ZNF638: variants seen among roughly 807,000 people sequenced by gnomAD.
The protein encoded by ZNF638 is CTCL tumor antigen se33-1.
ZNF638 carries 46 observed loss-of-function variants against 195.6 expected under a neutral mutation model. The ratio of observed to expected loss-of-function variants is 0.24; its 90% CI spans 0.19 to 0.30. ZNF638 has a LOEUF of 0.30. Ranked by LOEUF, ZNF638 falls within the 10% of genes least tolerant of loss-of-function variation. The pLI is 1.00. For missense variants in ZNF638, 2,440 were observed against 2,325.3 expected, an observed-to-expected ratio of 1.05 and a Z score of -1.01; for synonymous variants, 845 against 772.0, an observed-to-expected ratio of 1.09 and a Z score of -1.57.
Position 71,423,476 on chromosome 2 carries a change from G to T in ZNF638, c.3962G>T (p.Arg1321Ile), listed in dbSNP as rs544845744. 6.2e-7 allele frequency: 1 copy of T among 1,613,588 alleles called. No homozygotes were observed. Among genetic ancestry groups the T allele is most frequent in the African/African-American group, 1.3e-5 (1 of 74,916 alleles). ...EEKEFNTKETRMDLQIGTEKA... is the reference protein window; with the variant it reads ...EEKEFNTKETIMDLQIGTEKA... ...AAGGAATTTAATACTAAGGAAACCA[G>T]AATGGATCTTCAAATAGGAACAGAG... The change falls in exon 22 of 28, where the codon AGA becomes ATA. Residue 1321 changes from arginine (R) to isoleucine (I), a missense_variant. Around this residue, in one of 5 missense-constraint regions of ZNF638, gnomAD observed 1,883 missense variants for 1,739.1 expected, o/e 1.08. Coordinates refer to ENST00000264447, the MANE Select transcript of ZNF638 (RefSeq NM_014497.5).
At chr2:71,372,422 C>A (rs189839194) in intron 8 of ZNF638, among the ~76,000 whole-genome samples, 1 of 152,264 alleles carries the variant, frequency 6.6e-6, no homozygotes, top group East Asian at 1.9e-4. Context: ...TCCACTGTGA[C>A]AGAGCAGCAC....
Position 71,365,460 on chromosome 2 carries a change from A to G in ZNF638, c.1749A>G (p.Gln583=), listed in dbSNP as rs770784137. 4 of 1,611,764 alleles carry G rather than the reference A, an allele frequency of 2.5e-6. No individual in the cohort carries two copies. The highest frequency in any genetic ancestry group is 3.4e-6 in the Non-Finnish European group (4 of 1,179,126). The stretch of plus-strand genomic sequence containing the variant: ...AAAAAGCATTAGAAGATGTAGTACA[A>G]CGATCTGGGCATGGGACAGAATTTA... ...DRKKALEDVV[Q]RSGHGTEFNK... The change falls in exon 6 of 28, where the codon CAA becomes CAG. Residue 583 remains glutamine, a synonymous_variant. Transcript: ENST00000264447.
intron 21 of ZNF638, among the ~76,000 whole-genome samples, chr2:71,419,958 T>TG (rs1558881346): frequency 3.8e-5 from 1 of 26,584 alleles, no homozygotes; most frequent in East Asian, 6.6e-3. Context: ...ACTTCTTAAT[T>TG]CCCACCCCCC....
chr2:71,417,271 C>T (rs1311937992), intron 20 of ZNF638, among the ~76,000 whole-genome samples: 3 of 151,394 alleles, frequency 2.0e-5, no homozygotes, highest in Non-Finnish European at 4.4e-5. Context: ...TTCTTTGACT[C>T]GGAAAGGGAA....
At position 71,399,664 on chromosome 2, in the gene ZNF638, C is replaced by T; in HGVS notation, c.2587+19C>T. 5.7e-6 allele frequency: 9 copies of T among 1,572,294 alleles called. No individual in the cohort carries two copies. The highest frequency in any genetic ancestry group is 6.1e-6 in the Non-Finnish European group (7 of 1,155,102). On this transcript the variant is annotated intron_variant, in intron 13 of 27. Transcript: ENST00000264447. ...ATACCAGGTAAGCTTGAAATGTGGT[C>T]ATTCAGTGCTTTGTTTTCTTTTCTT...
At chr2:71,377,089 A>G (rs2079443466) in intron 8 of ZNF638, among the ~76,000 whole-genome samples, 1 of 152,154 alleles carries the variant, frequency 6.6e-6, no homozygotes, top group African/African-American at 2.4e-5. Flanking sequence ...CCCAGGCAAT[A>G]TAGTGAGCTC....
rs2079155690 is a variant in ZNF638 at position 71,364,141 on chromosome 2, A to C, written c.1606A>C (p.Arg536=). The change falls in exon 5 of 28, where the codon AGA becomes CGA. Residue 536 remains arginine, a synonymous_variant. Coordinates refer to ENST00000264447, the MANE Select transcript of ZNF638 (RefSeq NM_014497.5). ...CHRFISRYRS[R]SRSRSPYRIR... is the part of the protein sequence containing the mutation. ...TCGTTTCATTTCTAGATACAGATCC[A>C]GATCCAGATCCCGTTCACCATATCG... is the stretch of plus-strand genomic sequence containing the variant. The C allele has an allele frequency of 6.2e-7, 1 of 1,614,090 alleles. No homozygotes were observed. Among genetic ancestry groups the C allele is most frequent in the African/African-American group, 1.3e-5 (1 of 74,934 alleles).
intron 3 of ZNF638, among the ~76,000 whole-genome samples, 198 bp downstream of exon 3, chr2:71,355,978 A>C (rs1483390498): frequency 6.6e-6 from 1 of 152,178 alleles, no homozygotes; most frequent in Admixed American, 6.5e-5. Flanking sequence ...ATCCTTTGAC[A>C]CTTTTCTAAC....
At chr2:71,371,960 T>G (rs2079321909) in intron 8 of ZNF638, among the ~76,000 whole-genome samples, 2 of 152,196 alleles carry the variant, frequency 1.3e-5, no homozygotes, top group Non-Finnish European at 2.9e-5. Context: ...TTGTGGGGTA[T>G]TACTGAAGAA....
In ZNF638 at chr2:71,384,576, G is replaced by A. The variant is rs184808919; in HGVS notation, c.2377+4011G>A. Among the ~76,000 whole-genome samples, 9 of 152,240 alleles carry A rather than the reference G, an allele frequency of 5.9e-5. No individual in the cohort carries two copies. In the East Asian group the frequency reaches 1.7e-3, roughly 29 times the overall value. On this transcript the variant is annotated intron_variant, in intron 10 of 27. Transcript: ENST00000264447. Reference sequence around the variant, plus strand: ...TCAGTAAGCACTTAATAGGTCGCAGGCAAGGTACTGAAGATAAAAAGTCAG... The same window carrying A: ...TCAGTAAGCACTTAATAGGTCGCAGACAAGGTACTGAAGATAAAAAGTCAG...
At chr2:71,334,796 C>T (rs951941230) in intron 1 of ZNF638, among the ~76,000 whole-genome samples, 3 of 152,148 alleles carry the variant, frequency 2.0e-5, no homozygotes, top group Admixed American at 2.0e-4. Flanking sequence ...TGGCGGGCGC[C>T]TGTAGTCCCA....
At chr2:71,379,446 A>G (rs929053030) in intron 8 of ZNF638, 3 of 152,190 alleles carry the variant, frequency 2.0e-5, no homozygotes, top group Non-Finnish European at 4.4e-5. Context: ...CTACCTGCCC[A>G]CTAGTCACTT....
intron 1 of ZNF638, among the ~76,000 whole-genome samples, chr2:71,344,462 A>T (rs574588724): frequency 6.6e-6 from 1 of 152,344 alleles, no homozygotes; most frequent in South Asian, 2.1e-4. Context: ...TTCATGAGAT[A>T]CTAGCTCCAT....
chr2:71,416,766 GGGT>G (rs1346528791), intron 20 of ZNF638, among the ~76,000 whole-genome samples: 1 of 82,980 alleles, frequency 1.2e-5, no homozygotes, highest in Non-Finnish European at 2.3e-5. Flanking sequence ...CCCTGCTGGG[GGGT>G]GCCTCCCAGT....
At chr2:71,350,447 G>A (rs543485139) in intron 2 of ZNF638, among the ~76,000 whole-genome samples, 176 bp downstream of exon 2, 5 of 152,240 alleles carry the variant, frequency 3.3e-5, no homozygotes, top group African/African-American at 1.2e-4. Context: ...GTACTGAATT[G>A]AATTTTAGGC....
intron 16 of ZNF638, 25 bp downstream of exon 16, chr2:71,402,112 A>G (rs375443892): frequency 2.5e-6 from 4 of 1,582,438 alleles, no homozygotes; most frequent in African/African-American, 2.7e-5. Flanking sequence ...ATAGCTGTTC[A>G]TATCCTCTGC....
At position 71,421,906 on chromosome 2, in the gene ZNF638, T is replaced by C. The variant is rs996988698; in HGVS notation, c.3300-908T>C. Among the ~76,000 whole-genome samples, 42 of 152,202 alleles carry C rather than the reference T, an allele frequency of 2.8e-4. 1 individual carries two copies. Among genetic ancestry groups the C allele is most frequent in the African/African-American group, 9.9e-4 (41 of 41,460 alleles). ...ATATTGATATAAAAATAACTTATTC[T>C]GTGTCTACCTCGGTGAAAGTACTGG... On this transcript the variant is annotated intron_variant, in intron 21 of 27. Coordinates refer to ENST00000264447, the MANE Select transcript of ZNF638 (RefSeq NM_014497.5).
In ZNF638 at chr2:71,428,644, GAGTGAAGGTAA is replaced by G; in HGVS notation, c.5646_5650+6del. On this transcript the variant is annotated splice_donor_variant and splice_donor_region_variant and coding_sequence_variant and intron_variant, in exon 25 of 28. Transcript: ENST00000264447. LOFTEE classifies it high-confidence loss of function. ...CAAAAGGTGAAGAGGCCTTCCAGAT[GAGTGAAGGTAA>G]AGCAGGATTGTTGGAATGGGAAGGA... is the stretch of plus-strand genomic sequence containing the variant. 6.2e-7 allele frequency: 1 copy of G among 1,613,242 alleles called. No individual in the cohort carries two copies. Among genetic ancestry groups the G allele is most frequent in the Non-Finnish European group, 8.5e-7 (1 of 1,179,472 alleles).
In ZNF638 at chr2:71,348,687, C is replaced by T. The variant is rs1220877875; in HGVS notation, c.-202-66C>T. 24 of 1,402,076 alleles carry T rather than the reference C, an allele frequency of 1.7e-5. No individual in the cohort carries two copies. The Admixed American group carries it at 3.0e-4, about 18-fold the overall frequency. The allele number at this position is 1,402,076 out of a possible 1,614,324, so 86.9% of individuals were successfully genotyped here. Reference sequence around the variant, plus strand: ...TTTATTTCAAAATGTTTTACACTGGCTGTAGAACCCACTTCATGAAGTAGT... The same window carrying T: ...TTTATTTCAAAATGTTTTACACTGGTTGTAGAACCCACTTCATGAAGTAGT... On this transcript the variant is annotated intron_variant, in intron 1 of 27. Transcript: ENST00000264447.
Sources: allele counts gnomAD v4.1 joint callset (sites outside exome capture counted in the v4.1 genomes callset), GRCh38; gene constraint gnomAD v4.1.1; regional missense constraint gnomAD v4.1.1; transcripts MANE v1.5; gene names NCBI Gene and HGNC (gene_info 2026-07-23, HGNC 2026-07-21).